Variants in CNPY1 observed in about 807,000 individuals in gnomAD.
CNPY1 encodes canopy FGF signaling regulator 1.
A neutral mutation model predicts 14.4 loss-of-function variants in CNPY1; 14 were observed. The observed-to-expected ratio is 0.97, with a 90% CI of 0.64 to 1.52. CNPY1 has a LOEUF of 1.52. Ranked by LOEUF, CNPY1 falls within the 40% of genes most tolerant of loss-of-function variation. The probability of loss-of-function intolerance (pLI) is 0.00; values close to 1 mark genes in which losing one functional copy is unlikely to be tolerated. For missense variants in CNPY1, 129 were observed against 131.5 expected (o/e 0.98, Z 0.09); for synonymous variants, 43 against 46.5 (o/e 0.92, Z 0.31).
intron 2 of CNPY1, among the ~76,000 whole-genome samples, chr7:155,512,902 A>G (rs1796555820): frequency 6.6e-6 from 1 of 152,230 alleles, no homozygotes; most frequent in African/African-American, 2.4e-5. Flanking sequence ...AGTTAATGTA[A>G]AATTTTAATT....
Position 155,516,105 on chromosome 7 carries a change from G to C in CNPY1, c.100-7008C>G, listed in dbSNP as rs147490586. Among the ~76,000 whole-genome samples, 1,060 of 152,240 alleles carry C rather than the reference G, an allele frequency of 7.0e-3. 12 individuals carry two copies. The highest frequency in any genetic ancestry group is 0.024 in the African/African-American group (998 of 41,540). ...GTCCCTTGATAGACCTCAGGGCTAA[G>C]AGGACTCATTCTGTGTCCAGGATTC... On this transcript the variant is annotated intron_variant, in intron 2 of 4. Coordinates refer to ENST00000636446, the MANE Select transcript of CNPY1 (RefSeq NM_001393663.1).
Position 155,502,701 on chromosome 7 carries a change from G to C in CNPY1, c.*367C>G, listed in dbSNP as rs1029844457. 5.1e-6 allele frequency: 1 copy of C among 194,542 alleles called. No homozygotes were observed. The highest frequency in any genetic ancestry group is 1.0e-5 in the Non-Finnish European group (1 of 95,816). The allele number at this position is 194,542 out of a possible 1,614,324, so 12.1% of individuals were successfully genotyped here. A position where few individuals can be genotyped will look rare whatever the true frequency, so the allele number is the denominator to read the frequency against. On this transcript the variant is annotated 3_prime_UTR_variant, in exon 5 of 5. Transcript: ENST00000636446. ...TTCTTATCAGACAGCCACTGCGCTTGCATATGTGCACATACACTGTTATAA... is the reference window on the plus strand; with the variant it reads ...TTCTTATCAGACAGCCACTGCGCTTCCATATGTGCACATACACTGTTATAA...
At chr7:155,541,219 C>G (rs956610492) in intron 2 of CNPY1, among the ~76,000 whole-genome samples, 13 of 152,238 alleles carry the variant, frequency 8.5e-5, no homozygotes, top group African/African-American at 2.9e-4. Flanking sequence ...GTTCTGAAGA[C>G]AGAGACCTCC....
intron 2 of CNPY1, among the ~76,000 whole-genome samples, chr7:155,540,783 T>G (rs1797075610): frequency 6.6e-6 from 1 of 152,152 alleles, no homozygotes; most frequent in African/African-American, 2.4e-5. Context: ...AAAGCAAATG[T>G]GAGCCCCTCG....
At chr7:155,510,167 C>A (rs1563087538) in intron 2 of CNPY1, 1 of 152,266 alleles carries the variant, frequency 6.6e-6, no homozygotes, top group Non-Finnish European at 1.5e-5. Flanking sequence ...CAGTATGAAC[C>A]CTTCCGGTGC....
rs35711313 is a variant in CNPY1 at position 155,507,471 on chromosome 7, T to TAAAAAAAAAAAAAAAAAAAAA, written c.304-376_304-356dup. On this transcript the variant is annotated intron_variant, in intron 3 of 4. Coordinates refer to ENST00000636446, the MANE Select transcript of CNPY1 (RefSeq NM_001393663.1). ...CTGAAAAGTCCAACGGTTTTTAAACTAAAAAAAAAAAAAAAAAAAAAAAAA... is the reference window on the plus strand; with the variant it reads ...CTGAAAAGTCCAACGGTTTTTAAACTAAAAAAAAAAAAAAAAAAAAAAAAAAAAAAAAAAAAAAAAAAAAAA... 1.0e-3 allele frequency among the ~76,000 whole-genome samples: 54 copies of TAAAAAAAAAAAAAAAAAAAAA among 54,140 alleles called. 6 individuals are homozygous for TAAAAAAAAAAAAAAAAAAAAA. Among genetic ancestry groups the TAAAAAAAAAAAAAAAAAAAAA allele is most frequent in the African/African-American group, 5.3e-3 (54 of 10,104 alleles). The allele number at this position is 54,140 out of a possible 152,430, so 35.5% of individuals were successfully genotyped here.
At chr7:155,508,813 A>G (rs762957272) in intron 3 of CNPY1, 81 bp downstream of exon 3, 119 of 1,441,420 alleles carry the variant, frequency 8.3e-5, no homozygotes, top group Non-Finnish European at 1.1e-4. Flanking sequence ...CTCAACCACA[A>G]CAAGAGTAGA....
chr7:155,540,522 G>T (rs182612250), intron 2 of CNPY1, among the ~76,000 whole-genome samples: 1 of 152,352 alleles, frequency 6.6e-6, no homozygotes, highest in African/African-American at 2.4e-5. Context: ...GAAGCATGAG[G>T]TGTTGGTGCA....
chr7:155,542,605 G>A (rs905599311), intron 2 of CNPY1, among the ~76,000 whole-genome samples: 1 of 152,174 alleles, frequency 6.6e-6, no homozygotes, highest in East Asian at 1.9e-4. Flanking sequence ...AAAAAAAGCG[G>A]GGTCCCCACA....
In CNPY1 at chr7:155,514,661, G is replaced by A. The variant is rs1861964; in HGVS notation, c.100-5564C>T. Among the ~76,000 whole-genome samples the A allele has an allele frequency of 3.6e-3, 544 of 152,284 alleles. 18 individuals carry two copies. In the East Asian group the frequency reaches 0.088, roughly 24 times the overall value. On this transcript the variant is annotated intron_variant, in intron 2 of 4. Coordinates refer to ENST00000636446, the MANE Select transcript of CNPY1 (RefSeq NM_001393663.1). ...TGTAATCCCAGCACTTTGGAAGGCC[G>A]AGATGGGTGGATCACCTGAGGTTGG...
chr7:155,542,044 CG>C (rs899088123), intron 2 of CNPY1, among the ~76,000 whole-genome samples: 1 of 50,060 alleles, frequency 2.0e-5, no homozygotes, highest in Non-Finnish European at 4.0e-5. Flanking sequence ...GGGGCAGGGT[CG>C]GGGGGGCAGA....
At chr7:155,513,562 C>T (rs1002674662) in intron 2 of CNPY1, among the ~76,000 whole-genome samples, 1 of 151,820 alleles carries the variant, frequency 6.6e-6, no homozygotes, top group African/African-American at 2.4e-5. Context: ...GTAAGTGTTC[C>T]AGTTCTTGTT....
chr7:155,501,425 A>G lies in CNPY1; in HGVS notation c.*1643T>C, dbSNP rs1796104060. The stretch of plus-strand genomic sequence containing the variant: ...AGAGTATGGAAACAGATTTGGCAAC[A>G]CTTCTACGGTTACGACCGTGAACAG... On this transcript the variant is annotated 3_prime_UTR_variant, in exon 5 of 5. Transcript: ENST00000636446. The G allele has an allele frequency of 6.6e-6, 1 of 152,220 alleles. No individual in the cohort carries two copies. Among genetic ancestry groups the G allele is most frequent in the South Asian group, 2.1e-4 (1 of 4,834 alleles). The allele number at this position is 152,220 out of a possible 1,614,324, so 9.4% of individuals were successfully genotyped here. A position where few individuals can be genotyped will look rare whatever the true frequency, so the allele number is the denominator to read the frequency against.
intron 2 of CNPY1, among the ~76,000 whole-genome samples, chr7:155,522,469 C>G (rs1276731727): frequency 6.6e-6 from 1 of 152,238 alleles, no homozygotes; most frequent in Non-Finnish European, 1.5e-5. Flanking sequence ...CATCCCAGCT[C>G]CAGTTCCTAC....
chr7:155,504,241 T>A (rs1348001887), intron 4 of CNPY1, among the ~76,000 whole-genome samples: 1 of 152,044 alleles, frequency 6.6e-6, no homozygotes, highest in Admixed American at 6.6e-5. Context: ...TTCATGGATA[T>A]TTTTTTTCAC....
chr7:155,538,388 T>C (rs967687641), intron 2 of CNPY1, among the ~76,000 whole-genome samples: 1 of 152,194 alleles, frequency 6.6e-6, no homozygotes, highest in Non-Finnish European at 1.5e-5. Flanking sequence ...CTGGGGACCC[T>C]GCAGGCTGGT....
At chr7:155,523,536 C>G (rs964698874) in intron 2 of CNPY1, among the ~76,000 whole-genome samples, 2 of 152,308 alleles carry the variant, frequency 1.3e-5, no homozygotes, top group African/African-American at 4.8e-5. Context: ...TCAGCAGTGA[C>G]CGAACATGAA....
intron 2 of CNPY1, among the ~76,000 whole-genome samples, chr7:155,543,540 A>G (rs1397477074): frequency 6.6e-6 from 1 of 152,204 alleles, no homozygotes; most frequent in Non-Finnish European, 1.5e-5. Context: ...GAAGGATGAG[A>G]GACCTTCTAG....
At chr7:155,522,121 T>TCTCCCAG (rs1235608272) in intron 2 of CNPY1, among the ~76,000 whole-genome samples, 1 of 152,262 alleles carries the variant, frequency 6.6e-6, no homozygotes, top group African/African-American at 2.4e-5. Context: ...AGAGTCGGGC[T>TCTCCCAG]GTGCTCACCC....
Sources: gnomAD v4.1 joint callset for allele counts (sites outside exome capture counted in the v4.1 genomes callset) on GRCh38, gnomAD v4.1.1 for gene constraint, MANE v1.5 for transcripts, NCBI Gene and HGNC (gene_info 2026-07-23, HGNC 2026-07-21) for gene names.